Variants in CDKL3 observed in about 807,000 individuals in gnomAD.
The protein encoded by CDKL3 is cyclin-dependent kinase-like 3.
A neutral mutation model predicts 69.3 loss-of-function variants in CDKL3; 65 were observed. The observed-to-expected ratio is 0.94, with a 90% CI of 0.77 to 1.15. CDKL3 has a LOEUF of 1.15. Among genes scored for constraint, CDKL3 ranks in the 50% most tolerant of loss-of-function variants. The pLI is 0.00. For synonymous variants in CDKL3, 202 were observed against 221.6 expected, an observed-to-expected ratio of 0.91 and a Z score of 0.79; for missense variants, 652 against 689.2, an observed-to-expected ratio of 0.95 and a Z score of 0.61.
At chr5:134,300,032 C>G (rs1019559200) in intron 12 of CDKL3, among the ~76,000 whole-genome samples, 2 of 152,010 alleles carry the variant, frequency 1.3e-5, no homozygotes, top group African/African-American at 4.8e-5. Context: ...TTTGAGATAG[C>G]TGAAAGAGTT....
downstream of CDKL3, among the ~76,000 whole-genome samples, chr5:134,297,537 T>A (rs925106526): frequency 6.6e-5 from 10 of 152,070 alleles, no homozygotes; most frequent in Non-Finnish European, 1.5e-4. Context: ...ACAGAACATA[T>A]TTTTAACCAT....
intron 6 of CDKL3, among the ~76,000 whole-genome samples, chr5:134,317,084 G>A (rs73289826): frequency 0.14 from 21,342 of 151,944 alleles, 1,833 homozygotes; most frequent in African/African-American, 0.23. Flanking sequence ...AATAAATTTT[G>A]TACTAAATAT....
intron 4 of CDKL3, among the ~76,000 whole-genome samples, chr5:134,339,700 G>C (rs1749972282): frequency 1.3e-5 from 2 of 151,978 alleles, no homozygotes; most frequent in East Asian, 3.8e-4. Context: ...AAATTTAAAA[G>C]GGCAGAAATT....
rs976018951 is a variant in CDKL3 at position 134,304,439 on chromosome 5, G to C, written c.1587C>G (p.Val529=). 3.7e-6 allele frequency: 6 copies of C among 1,612,670 alleles called. 1 individual carries two copies. The South Asian group carries it at 6.6e-5, about 18-fold the overall frequency. Residue 529 remains valine, a synonymous_variant, in exon 11 of 13, where the codon GTC becomes GTG. Transcript: ENST00000265334. ...CTTTTGTATCTTTTGACTGTATTGTGACAGGCAATTCTGGAAAATGGAATT... is the reference window on the plus strand; with the variant it reads ...CTTTTGTATCTTTTGACTGTATTGTCACAGGCAATTCTGGAAAATGGAATT... ...RKEFHFPELP[V]TIQSKDTKGM...
upstream of CDKL3, among the ~76,000 whole-genome samples, chr5:134,368,550 C>T (rs1047440226): frequency 3.9e-5 from 5 of 129,778 alleles, no homozygotes; most frequent in African/African-American, 5.8e-5. Flanking sequence ...ATCCGGGAGG[C>T]GGAGCTTGCA....
At chr5:134,309,545 A>G (rs537109752) in intron 7 of CDKL3, among the ~76,000 whole-genome samples, 13 of 152,250 alleles carry the variant, frequency 8.5e-5, no homozygotes, top group African/African-American at 2.9e-4. Context: ...AAGTCCATTC[A>G]TGTGGTTCAA....
chr5:134,304,832 ATATTAT>A (rs143426655), intron 10 of CDKL3, among the ~76,000 whole-genome samples: 3 of 146,386 alleles, frequency 2.0e-5, no homozygotes, highest in Non-Finnish European at 4.5e-5. Flanking sequence ...AATAATAATA[ATATTAT>A]TATTATTATT....
At chr5:134,329,097 T>C (rs1226326226) in intron 4 of CDKL3, among the ~76,000 whole-genome samples, 1 of 152,072 alleles carries the variant, frequency 6.6e-6, no homozygotes, top group African/African-American at 2.4e-5. Flanking sequence ...TCCCAGCACA[T>C]TTGAGGGCTG....
chr5:134,350,809 G>A (rs1467380422), intron 3 of CDKL3, among the ~76,000 whole-genome samples: 10 of 139,204 alleles, frequency 7.2e-5, no homozygotes, highest in Non-Finnish European at 9.1e-5. Context: ...GTGAGACCCT[G>A]TCTCTAAAAA....
chr5:134,302,104 G>C (rs1204167475), intron 12 of CDKL3: 1 of 455,250 alleles, frequency 2.2e-6, no homozygotes, highest in South Asian at 1.6e-5. Context: ...GAATCTCTCT[G>C]GTGGGTAGGG....
chr5:134,294,983 C>T (rs1235234011), downstream of CDKL3, among the ~76,000 whole-genome samples: 4 of 147,364 alleles, frequency 2.7e-5, no homozygotes, highest in South Asian at 2.1e-4. Flanking sequence ...GTATCATGCT[C>T]GTGAATTGGA....
rs1768398700 is a variant in CDKL3, at chr5:134,308,139, T to C, written c.1363A>G (p.Arg455Gly). 6.2e-7 allele frequency: 1 copy of C among 1,609,586 alleles called. No individual in the cohort carries two copies. Among genetic ancestry groups the C allele is most frequent in the African/African-American group, 1.3e-5 (1 of 75,022 alleles). The change falls in exon 9 of 13, where the codon AGG becomes GGG. Residue 455 changes from arginine to glycine, a missense_variant and splice_region_variant. Arg to Gly is a moderately radical substitution (Grantham distance 125). Coordinates refer to ENST00000265334, the MANE Select transcript of CDKL3 (RefSeq NM_001113575.2). ...GGTTTCTTCTCTGTTACAGCTCACC[T>C]CACACTGGGGTGAAAGAGATTTGAA... ...LSSNLFHPSV[R>G]LTERAKKRRT... is the part of the protein sequence containing the mutation.
At chr5:134,371,614 A>C (rs766904052), upstream of CDKL3, 1 of 1,611,964 alleles carries the variant, frequency 6.2e-7, no homozygotes, top group South Asian at 1.1e-5. Flanking sequence ...CCCGGCCCGG[A>C]GGAGGCTCAT....
intron 3 of CDKL3, among the ~76,000 whole-genome samples, chr5:134,359,495 A>T (rs374533581): frequency 1.3e-5 from 2 of 152,070 alleles, no homozygotes; most frequent in South Asian, 2.1e-4. Flanking sequence ...CAATTTACTT[A>T]CTATTCCCCC....
At chr5:134,289,698 G>A (rs964090655) in intron 8 of CDKL3, among the ~76,000 whole-genome samples, 7 of 152,154 alleles carry the variant, frequency 4.6e-5, no homozygotes, top group African/African-American at 1.7e-4. Flanking sequence ...TCCAGCTCTT[G>A]AAAATGCTGG....
chr5:134,343,017 C>A (rs1325569780), intron 4 of CDKL3, among the ~76,000 whole-genome samples: 2 of 152,106 alleles, frequency 1.3e-5, no homozygotes, highest in African/African-American at 4.8e-5. Flanking sequence ...CCAGCCGGGC[C>A]AACGTGGTGA....
upstream of CDKL3, among the ~76,000 whole-genome samples, chr5:134,369,543 G>A (rs1395997744): frequency 6.6e-6 from 1 of 152,036 alleles, no homozygotes; most frequent in Non-Finnish European, 1.5e-5. Flanking sequence ...CCTGAATTCT[G>A]TCTCTGCTTT....
chr5:134,343,400 C>T (rs546615003), intron 4 of CDKL3, among the ~76,000 whole-genome samples: 1 of 152,266 alleles, frequency 6.6e-6, no homozygotes, highest in South Asian at 2.1e-4. Flanking sequence ...CATTCCTGGG[C>T]GTAGGCTGGA....
In CDKL3 at chr5:134,321,902, G is replaced by A. The variant is rs1426946237; in HGVS notation, c.541C>T (p.Pro181Ser). The change falls in exon 5 of 13, where the codon CCT becomes TCT. Residue 181 changes from proline (P) to serine (S), a missense_variant and splice_region_variant. By Grantham distance (74) the Pro-to-Ser change is moderately conservative. Coordinates refer to ENST00000265334, the MANE Select transcript of CDKL3 (RefSeq NM_001113575.2). ...LVLKDTSYGK[P>S]VDIWALGCMI... Reference sequence around the variant, plus strand: ...CAGCCCAAAGCCCAGATATCCACAGGTCTGAAACAGATCAGGGAAAAAAAA... The same window carrying A: ...CAGCCCAAAGCCCAGATATCCACAGATCTGAAACAGATCAGGGAAAAAAAA... 2 of 1,535,962 alleles carry A rather than the reference G, an allele frequency of 1.3e-6. No homozygotes were observed. The highest frequency in any genetic ancestry group is 2.3e-5 in the East Asian group (1 of 44,142).
Sources: gnomAD v4.1 joint callset for allele counts (sites outside exome capture counted in the v4.1 genomes callset) on GRCh38, gnomAD v4.1.1 for gene constraint, MANE v1.5 for transcripts, NCBI Gene and HGNC (gene_info 2026-07-23, HGNC 2026-07-21) for gene names.